CDKAL1: variants seen among roughly 807,000 people sequenced by gnomAD.
CDKAL1 encodes CDKAL1 threonylcarbamoyladenosine tRNA methylthiotransferase, also known as threonylcarbamoyladenosine tRNA methylthiotransferase.
A neutral mutation model predicts 68.2 loss-of-function variants in CDKAL1; 32 were observed. The observed-to-expected ratio is 0.47, with a 90% CI of 0.35 to 0.63. The LOEUF is 0.63. Among genes scored for constraint, CDKAL1 ranks in the 30% least tolerant of loss-of-function variants. CDKAL1 has a pLI of 0.00. For synonymous variants in CDKAL1, 234 were observed against 244.3 expected, an observed-to-expected ratio of 0.96 and a Z score of 0.39; for missense variants, 606 against 696.7, an observed-to-expected ratio of 0.87 and a Z score of 1.47.
intron 4 of CDKAL1, among the ~76,000 whole-genome samples, chr6:20,583,989 A>G (rs925700351): frequency 1.4e-4 from 21 of 151,728 alleles, no homozygotes; most frequent in South Asian, 4.2e-4. Flanking sequence ...AGATTACAGG[A>G]TCTGGATTTG....
At chr6:20,810,146 A>C (rs1776733664) in intron 8 of CDKAL1, among the ~76,000 whole-genome samples, 2 of 152,092 alleles carry the variant, frequency 1.3e-5, no homozygotes, top group African/African-American at 4.8e-5. Context: ...ACACATAGAA[A>C]GAGAAGATGG....
chr6:21,042,433 T>A (rs1336047512), intron 11 of CDKAL1, among the ~76,000 whole-genome samples: 2 of 152,098 alleles, frequency 1.3e-5, no homozygotes, highest in Non-Finnish European at 2.9e-5. Context: ...CTAACACCTC[T>A]CTCGTGGCAC....
intron 13 of CDKAL1, among the ~76,000 whole-genome samples, chr6:21,191,267 T>G (rs1379923362): frequency 6.6e-6 from 1 of 152,244 alleles, no homozygotes; most frequent in Non-Finnish European, 1.5e-5. Flanking sequence ...AACCAAATTC[T>G]GTTGGAAACC....
Position 20,539,348 on chromosome 6 carries a change from C to T in CDKAL1, c.-6+3954C>T, listed in dbSNP as rs761968134. 6.6e-6 allele frequency among the ~76,000 whole-genome samples: 1 copy of T among 152,172 alleles called. No homozygotes were observed. Among genetic ancestry groups the T allele is most frequent in the Non-Finnish European group, 1.5e-5 (1 of 68,040 alleles). The stretch of plus-strand genomic sequence containing the variant: ...TAGGCACCTGGGATAAAACAGTGAA[C>T]ACCTCACACGAAAACCTTTACCCTC... On this transcript the variant is annotated intron_variant, in intron 2 of 15. Coordinates refer to ENST00000274695, the MANE Select transcript of CDKAL1 (RefSeq NM_017774.3). The surrounding 1 kb of genome is among the most constrained non-coding windows in gnomAD (Gnocchi z 4.3).
In CDKAL1 at chr6:20,535,395, G is replaced by A. The variant is rs1219680880; in HGVS notation, c.-6+1G>A. On this transcript the variant is annotated splice_donor_variant, in intron 2 of 15. Transcript: ENST00000274695. LOFTEE classifies it low-confidence loss of function (5UTR_SPLICE). ...TTTAGACTAATTGCAGATAATTAAGGTACTGATTTATTTTAAACCTTTTAT... is the reference window on the plus strand; with the variant it reads ...TTTAGACTAATTGCAGATAATTAAGATACTGATTTATTTTAAACCTTTTAT... 2.0e-5 allele frequency: 3 copies of A among 152,176 alleles called. No individual in the cohort carries two copies. The highest frequency in any genetic ancestry group is 6.6e-5 in the Admixed American group (1 of 15,250). 9.4% of individuals were successfully genotyped at this position (152,176 alleles called of 1,614,324 possible).
At chr6:21,154,284 A>G (rs1383260508) in intron 13 of CDKAL1, among the ~76,000 whole-genome samples, 1 of 152,224 alleles carries the variant, frequency 6.6e-6, no homozygotes, top group Non-Finnish European at 1.5e-5. Context: ...CTTAACTGCA[A>G]AGAAGTAATA....
chr6:20,596,183 G>A (rs917206050), intron 4 of CDKAL1, among the ~76,000 whole-genome samples: 2 of 152,204 alleles, frequency 1.3e-5, no homozygotes, highest in African/African-American at 4.8e-5. Context: ...AGCAGAATTT[G>A]AGCACTGTTC....
chr6:20,757,196 A>G (rs1290862048), intron 6 of CDKAL1, among the ~76,000 whole-genome samples: 2 of 152,048 alleles, frequency 1.3e-5, no homozygotes, highest in African/African-American at 2.4e-5. Flanking sequence ...AGGCCTCCCA[A>G]AATGCTGGAA....
chr6:21,113,402 T>G, intron 13 of CDKAL1, among the ~76,000 whole-genome samples: 1 of 152,152 alleles, frequency 6.6e-6, no homozygotes, highest in African/African-American at 2.4e-5. Context: ...ATCTCAGCAC[T>G]TTGGGAGGCC....
At chr6:20,741,195 T>A (rs1773441192) in intron 6 of CDKAL1, among the ~76,000 whole-genome samples, 1 of 152,014 alleles carries the variant, frequency 6.6e-6, no homozygotes, top group African/African-American at 2.4e-5. Context: ...ATGAGTTTAT[T>A]TGCCAATGTC....
intron 5 of CDKAL1, among the ~76,000 whole-genome samples, chr6:20,737,580 TA>T (rs1203704372): frequency 1.3e-5 from 2 of 151,766 alleles, no homozygotes; most frequent in African/African-American, 4.8e-5. Context: ...AACGTCTTTG[TA>T]TACATGGCTA....
chr6:20,540,133 G>T (rs1226438615), intron 2 of CDKAL1, among the ~76,000 whole-genome samples: 2 of 150,720 alleles, frequency 1.3e-5, no homozygotes, highest in African/African-American at 2.5e-5. Flanking sequence ...GAGTGCAGTG[G>T]TGAGATCTTG....
At chr6:21,128,153 T>C (rs1775114063) in intron 13 of CDKAL1, among the ~76,000 whole-genome samples, 1 of 152,226 alleles carries the variant, frequency 6.6e-6, no homozygotes, top group African/African-American at 2.4e-5. Flanking sequence ...GGAGTTTTAA[T>C]ATGACCATCC....
chr6:21,000,159 T>C (rs1767353131), intron 10 of CDKAL1, 68 bp from the exon 11 acceptor site: 1 of 1,275,204 alleles, frequency 7.8e-7, no homozygotes, highest in Non-Finnish European at 1.1e-6. Flanking sequence ...GCTTGTGGTG[T>C]TGATGTGAGG....
At chr6:21,188,813 A>G (rs1053624085) in intron 13 of CDKAL1, among the ~76,000 whole-genome samples, 1 of 148,838 alleles carries the variant, frequency 6.7e-6, no homozygotes, top group African/African-American at 2.5e-5. Flanking sequence ...TCTTACCACA[A>G]TTTTTTTTTT....
intron 9 of CDKAL1, among the ~76,000 whole-genome samples, chr6:20,944,597 A>G (rs1053136425): frequency 2.0e-5 from 3 of 152,206 alleles, no homozygotes; most frequent in African/African-American, 7.2e-5. Context: ...CACCCGCCAC[A>G]GCCTCCCAAA....
At chr6:20,835,261 A>G (rs1009976067) in intron 8 of CDKAL1, among the ~76,000 whole-genome samples, 2 of 152,194 alleles carry the variant, frequency 1.3e-5, no homozygotes, top group African/African-American at 4.8e-5. Flanking sequence ...CTTTTTAAAT[A>G]TGTACAGTTT....
intron 13 of CDKAL1, among the ~76,000 whole-genome samples, chr6:21,114,645 G>T (rs1046845822): frequency 1.3e-5 from 2 of 151,952 alleles, no homozygotes; most frequent in Non-Finnish European, 2.9e-5. Context: ...GAAACAAGAG[G>T]ATCAGATGGC....
At chr6:20,724,570 A>G (rs116757478) in intron 5 of CDKAL1, among the ~76,000 whole-genome samples, 209 of 152,080 alleles carry the variant, frequency 1.4e-3, no homozygotes, top group East Asian at 5.4e-3. Flanking sequence ...AGAAAAAAAA[A>G]GCTGAGAGTG....
Sources: allele counts gnomAD v4.1 joint callset (sites outside exome capture counted in the v4.1 genomes callset), GRCh38; gene constraint gnomAD v4.1.1; non-coding constraint Gnocchi (gnomAD v3.1); transcripts MANE v1.5; gene names NCBI Gene and HGNC (gene_info 2026-07-23, HGNC 2026-07-21).